ATRN: variants seen among roughly 807,000 people sequenced by gnomAD.
ATRN encodes the protein attractin.
ATRN carries 54 observed loss-of-function variants against 178.7 expected under a neutral mutation model. That is an observed-to-expected ratio of 0.30 (90% CI 0.24 to 0.38). ATRN has a LOEUF of 0.38. Ranked by LOEUF, ATRN falls within the 10% of genes least tolerant of loss-of-function variation. The probability of loss-of-function intolerance (pLI) is 1.00; values close to 1 mark genes in which losing one functional copy is unlikely to be tolerated. For missense variants in ATRN, 1,443 were observed against 1,815.1 expected (o/e 0.79, Z 3.73); for synonymous variants, 636 against 663.0 (o/e 0.96, Z 0.63).
At chr20:3,548,730 TGTGTAG>T (rs1354972679) in intron 5 of ATRN, among the ~76,000 whole-genome samples, 1 of 152,124 alleles carries the variant, frequency 6.6e-6, no homozygotes, top group Non-Finnish European at 1.5e-5. Context: ...TGGCAGGATG[TGTGTAG>T]GTTATATGCA....
intron 1 of ATRN, chr20:3,490,060 G>A: frequency 5.9e-6 from 7 of 1,185,334 alleles, no homozygotes; most frequent in Admixed American, 3.4e-5. Flanking sequence ...TTCTAGAAAA[G>A]CAATGTCTTT....
intron 17 of ATRN, 86 bp from the exon 18 acceptor site, chr20:3,584,561 A>G: frequency 2.2e-6 from 2 of 892,360 alleles, no homozygotes; most frequent in South Asian, 1.7e-5. Context: ...GACTCAAGCC[A>G]GTTGAATAGT....
At chr20:3,641,357 G>A (rs2087065992) in intron 27 of ATRN, among the ~76,000 whole-genome samples, 3 of 152,124 alleles carry the variant, frequency 2.0e-5, no homozygotes, top group Middle Eastern at 3.4e-3. Flanking sequence ...TTGGGAGGCC[G>A]AGGCGGGCGG....
At chr20:3,496,813 G>A (rs151561) in intron 1 of ATRN, among the ~76,000 whole-genome samples, 38,552 of 149,026 alleles carry the variant, frequency 0.26, 5,391 homozygotes, top group African/African-American at 0.32. Flanking sequence ...TTTGTAGGTC[G>A]CTCAGGACTT....
At position 3,561,323 on chromosome 20, in the gene ATRN, AAAAC is replaced by A. The variant is rs367861969; in HGVS notation, c.1447+442_1447+445del. Among the ~76,000 whole-genome samples the A allele has an allele frequency of 5.7e-4, 87 of 152,158 alleles. 1 individual carries two copies. Among genetic ancestry groups the A allele is most frequent in the South Asian group, 1.5e-3 (7 of 4,826 alleles). ...GGGGGACAGAGTGAGACTCCGTCTC[AAAAC>A]AAACAAACAAACAAACAAACAAAAG... is the stretch of plus-strand genomic sequence containing the variant. On this transcript the variant is annotated intron_variant, in intron 8 of 28. Transcript: ENST00000262919.
chr20:3,625,775 A>G (rs1478118736), intron 25 of ATRN, among the ~76,000 whole-genome samples: 2 of 151,982 alleles, frequency 1.3e-5, no homozygotes, highest in Non-Finnish European at 2.9e-5. Context: ...CCTTCCTCCT[A>G]TATTGAAGTC....
intron 24 of ATRN, among the ~76,000 whole-genome samples, 162 bp from the exon 25 acceptor site, chr20:3,624,349 A>G (rs1384334950): frequency 6.6e-6 from 1 of 152,244 alleles, no homozygotes; most frequent in Non-Finnish European, 1.5e-5. Flanking sequence ...GCAACTAAAC[A>G]AGTAAACTAA....
chr20:3,490,551 C>T, intron 1 of ATRN: 2 of 1,115,296 alleles, frequency 1.8e-6, no homozygotes, highest in South Asian at 1.2e-5. Context: ...AATCCAGCTT[C>T]TCAGATGCCT....
chr20:3,643,790 C>A (rs2087087049), intron 27 of ATRN, among the ~76,000 whole-genome samples: 1 of 152,240 alleles, frequency 6.6e-6, no homozygotes, highest in African/African-American at 2.4e-5. Context: ...TCTGACAAAT[C>A]TACCAAGCAC....
intron 1 of ATRN, among the ~76,000 whole-genome samples, chr20:3,478,810 TTC>T (rs2084571436): frequency 6.6e-6 from 1 of 152,156 alleles, no homozygotes; most frequent in Admixed American, 6.5e-5. Context: ...TTCGTAGTTT[TTC>T]TGTGTTTGCT....
chr20:3,602,344 A>T (rs1160343063), intron 23 of ATRN, among the ~76,000 whole-genome samples: 1 of 152,102 alleles, frequency 6.6e-6, no homozygotes, highest in Non-Finnish European at 1.5e-5. Flanking sequence ...AAAAAAAATA[A>T]AAAAACACCT....
chr20:3,474,197 T>A lies in ATRN; in HGVS notation c.410+2680T>A, dbSNP rs149747811. ...ACTTGTTGCAGGGAACAGGCAGTCC[T>A]GACACTGGTTGTCTCAAATAGTGTC... is the stretch of plus-strand genomic sequence containing the variant. On this transcript the variant is annotated intron_variant, in intron 1 of 28. Coordinates refer to ENST00000262919, the MANE Select transcript of ATRN (RefSeq NM_139321.3). Among the ~76,000 whole-genome samples, 52 of 152,264 alleles carry A rather than the reference T, an allele frequency of 3.4e-4. No individual in the cohort carries two copies. In the East Asian group the frequency reaches 9.8e-3, roughly 29 times the overall value.
At chr20:3,602,049 C>A (rs528020078) in intron 23 of ATRN, among the ~76,000 whole-genome samples, 9 of 152,188 alleles carry the variant, frequency 5.9e-5, no homozygotes, top group African/African-American at 1.7e-4. Flanking sequence ...ACCGTCCTGG[C>A]AGGGCGTGAT....
At chr20:3,644,830 T>C (rs1392613407) in intron 28 of ATRN, among the ~76,000 whole-genome samples, 1 of 152,372 alleles carries the variant, frequency 6.6e-6, no homozygotes, top group East Asian at 1.9e-4. Context: ...CGCACAGTTC[T>C]GCTATCCCAC....
intron 11 of ATRN, among the ~76,000 whole-genome samples, chr20:3,571,892 T>C (rs1390629448): frequency 1.3e-5 from 2 of 152,222 alleles, no homozygotes; most frequent in African/African-American, 4.8e-5. Flanking sequence ...CAGTTTTTTT[T>C]CACTCTTAGG....
chr20:3,626,781 C>CTTTTTT (rs33999405), intron 25 of ATRN, among the ~76,000 whole-genome samples: 5 of 118,170 alleles, frequency 4.2e-5, no homozygotes, highest in African/African-American at 6.5e-5. Flanking sequence ...TGAATTATTT[C>CTTTTTT]TTTTTTTTTT....
At chr20:3,541,667 A>G (rs1468052365) in intron 3 of ATRN, among the ~76,000 whole-genome samples, 2 of 152,220 alleles carry the variant, frequency 1.3e-5, no homozygotes, top group Admixed American at 1.3e-4. Flanking sequence ...ATACAGTATT[A>G]CAATCTCATG....
chr20:3,484,909 A>AATT (rs11470490), intron 1 of ATRN, among the ~76,000 whole-genome samples: 18,291 of 143,856 alleles, frequency 0.13, 1,201 homozygotes, highest in East Asian at 0.17. Flanking sequence ...TGGATTTTAA[A>AATT]ATTATTATTA....
At chr20:3,558,208 T>C (rs1368942730) in intron 6 of ATRN, among the ~76,000 whole-genome samples, 1 of 152,284 alleles carries the variant, frequency 6.6e-6, no homozygotes, top group Non-Finnish European at 1.5e-5. Flanking sequence ...AAATTTTCTG[T>C]TTTTAGTCTT....
Sources: gnomAD v4.1 joint callset for allele counts (sites outside exome capture counted in the v4.1 genomes callset) on GRCh38, gnomAD v4.1.1 for gene constraint, MANE v1.5 for transcripts, NCBI Gene and HGNC (gene_info 2026-07-23, HGNC 2026-07-21) for gene names.